The following ARHGEF26 variants were observed in gnomAD, a reference collection of about 807,000 sequenced individuals.
The protein encoded by ARHGEF26 is Rho guanine nucleotide exchange factor 26, also known as Rho guanine nucleotide exchange factor (GEF) 26.
In ARHGEF26, 59 loss-of-function variants were observed where a neutral mutation model predicts 89.4. That is an observed-to-expected ratio of 0.66 (90% CI 0.54 to 0.82). The LOEUF (loss-of-function observed/expected upper bound fraction) is 0.82, where lower values mean the gene tolerates loss of function less well. Among genes scored for constraint, ARHGEF26 ranks in the 40% least tolerant of loss-of-function variants. The probability of loss-of-function intolerance (pLI) is 0.00; values close to 1 mark genes in which losing one functional copy is unlikely to be tolerated. For missense variants in ARHGEF26, 1,234 were observed against 1,085.6 expected, an observed-to-expected ratio of 1.14 and a Z score of -1.92; for synonymous variants, 500 against 428.4, an observed-to-expected ratio of 1.17 and a Z score of -2.06.
intron 11 of ARHGEF26, among the ~76,000 whole-genome samples, chr3:154,237,438 A>T (rs191753172): frequency 6.4e-4 from 98 of 151,978 alleles, no homozygotes; most frequent in Non-Finnish European, 1.0e-3. Flanking sequence ...GCTACACGGG[A>T]GGCTGAGGCA....
chr3:154,155,474 A>G (rs1435011741), intron 6 of ARHGEF26, among the ~76,000 whole-genome samples: 1 of 152,022 alleles, frequency 6.6e-6, no homozygotes, highest in African/African-American at 2.4e-5. Context: ...TTCTGCTCAA[A>G]AAGTTAGAAG....
At chr3:154,227,319 A>G (rs900655837) in intron 11 of ARHGEF26, among the ~76,000 whole-genome samples, 3 of 138,280 alleles carry the variant, frequency 2.2e-5, no homozygotes, top group African/African-American at 8.2e-5. Flanking sequence ...TTTTTGAGAT[A>G]GAGTCTTGCT....
chr3:154,175,198 A>G (rs1045824723), intron 6 of ARHGEF26, among the ~76,000 whole-genome samples: 1 of 152,154 alleles, frequency 6.6e-6, no homozygotes, highest in East Asian at 1.9e-4. Flanking sequence ...TAATGGTTAG[A>G]TCTTTGACCT....
chr3:154,180,684 C>G (rs1342894565), intron 6 of ARHGEF26, among the ~76,000 whole-genome samples: 1 of 9,334 alleles, frequency 1.1e-4, no homozygotes, highest in Non-Finnish European at 1.7e-4. Context: ...CTCTTTTTTC[C>G]CCTCACATCC....
At chr3:154,243,755 C>G (rs1415183296) in intron 12 of ARHGEF26, among the ~76,000 whole-genome samples, 1 of 150,848 alleles carries the variant, frequency 6.6e-6, no homozygotes, top group South Asian at 2.1e-4. Context: ...CACCCCCACC[C>G]TCAATTACAG....
At position 154,256,236 on chromosome 3, in the gene ARHGEF26, G is replaced by T; in HGVS notation, c.*763G>T. The T allele has an allele frequency of 2.0e-6, 2 of 985,462 alleles. No individual in the cohort carries two copies. Among genetic ancestry groups the T allele is most frequent in the Non-Finnish European group, 2.4e-6 (2 of 830,022 alleles). 61.0% of individuals were successfully genotyped at this position (985,462 alleles called of 1,614,324 possible). A position where few individuals can be genotyped will look rare whatever the true frequency, so the allele number is the denominator to read the frequency against. On this transcript the variant is annotated 3_prime_UTR_variant, in exon 15 of 15. Transcript: ENST00000465093. ...AGAAAAACCTGAATATAGGACAGGG[G>T]TCCTACTTTTTTCCCCACCTCTGTC...
Position 154,256,841 on chromosome 3 carries a change from T to C in ARHGEF26, c.*1368T>C. ...TCAGAGTCCCTCTTAACTGTGAGTT[T>C]CTATAGAACTTTACTTTTTCCACTA... On this transcript the variant is annotated 3_prime_UTR_variant, in exon 15 of 15. Transcript: ENST00000465093. 1 of 1,529,310 alleles carries C rather than the reference T, an allele frequency of 6.5e-7. No homozygotes were observed. The highest frequency in any genetic ancestry group is 8.7e-7 in the Non-Finnish European group (1 of 1,144,578). 94.7% of individuals were successfully genotyped at this position (1,529,310 alleles called of 1,614,324 possible). A position where few individuals can be genotyped will look rare whatever the true frequency, so the allele number is the denominator to read the frequency against.
chr3:154,247,213 T>G (rs974275988), intron 12 of ARHGEF26, among the ~76,000 whole-genome samples: 9 of 152,216 alleles, frequency 5.9e-5, no homozygotes, highest in Non-Finnish European at 1.0e-4. Flanking sequence ...TCTTCAGAAA[T>G]GCAGCCTGTC....
At chr3:154,181,158 A>G (rs913328983) in intron 6 of ARHGEF26, among the ~76,000 whole-genome samples, 2 of 152,186 alleles carry the variant, frequency 1.3e-5, no homozygotes, top group Non-Finnish European at 2.9e-5. Flanking sequence ...GCAGCCCCAA[A>G]TCTTACTTAC....
In ARHGEF26 at chr3:154,213,201, T is replaced by TAGAGAG. The variant is rs60158333; in HGVS notation, c.1846-4657_1846-4652dup. 5.3e-3 allele frequency among the ~76,000 whole-genome samples: 730 copies of TAGAGAG among 136,526 alleles called. 6 individuals are homozygous for TAGAGAG. The highest frequency in any genetic ancestry group is 0.018 in the African/African-American group (652 of 36,030). The allele number at this position is 136,526 out of a possible 152,430, so 89.6% of individuals were successfully genotyped here. A position where few individuals can be genotyped will look rare whatever the true frequency, so the allele number is the denominator to read the frequency against. On this transcript the variant is annotated intron_variant, in intron 9 of 14. Transcript: ENST00000465093. ...AATTTACATTTCTTTACGAGTAACA[T>TAGAGAG]AGAGAGAGAGAGAGAGTGTGTGTGT...
At chr3:154,201,888 T>A (rs1255167575) in intron 9 of ARHGEF26, among the ~76,000 whole-genome samples, 3 of 151,904 alleles carry the variant, frequency 2.0e-5, no homozygotes, top group African/African-American at 7.2e-5. Flanking sequence ...GAGTTCATTG[T>A]AGATTCTGGA....
rs771825271 is a variant in ARHGEF26 at position 154,122,571 on chromosome 3, G to A, written c.579G>A (p.Arg193=). 2 of 1,613,568 alleles carry A rather than the reference G, an allele frequency of 1.2e-6. No individual in the cohort carries two copies. Among genetic ancestry groups the A allele is most frequent in the Non-Finnish European group, 1.7e-6 (2 of 1,179,886 alleles). The change falls in exon 2 of 15, where the codon CGG becomes CGA. Residue 193 remains arginine, a synonymous_variant. Transcript: ENST00000465093. The part of the protein sequence containing the change: ...DSPGSGSQSG[R]KAKDPERGLF... ...CTGGGTCAGGTTCGCAGTCCGGCCG[G>A]AAGGCAAAGGACCCCGAACGGGGGC...
chr3:154,171,426 A>G (rs901232224), intron 6 of ARHGEF26, among the ~76,000 whole-genome samples: 3 of 152,198 alleles, frequency 2.0e-5, no homozygotes, highest in Non-Finnish European at 2.9e-5. Flanking sequence ...TCTACACTCT[A>G]TGGGATGGAT....
intron 9 of ARHGEF26, among the ~76,000 whole-genome samples, chr3:154,198,605 T>C (rs1452344913): frequency 6.6e-6 from 1 of 152,190 alleles, no homozygotes; most frequent in Non-Finnish European, 1.5e-5. Context: ...GAGACCGTTA[T>C]TCTAAGTGAA....
Position 154,122,963 on chromosome 3 carries a change from G to A in ARHGEF26, c.971G>A (p.Gly324Asp). The part of the protein sequence containing the change: ...STSYRRAVVS[G>D]FDFDSPTSSK... ...TCTTATCGCAGGGCAGTGGTCAGTGGCTTTGATTTTGACAGTCCTACCAGC... is the reference window on the plus strand; with the variant it reads ...TCTTATCGCAGGGCAGTGGTCAGTGACTTTGATTTTGACAGTCCTACCAGC... The change falls in exon 2 of 15, where the codon GGC (glycine) becomes GAC (aspartate). Residue 324 changes from glycine to aspartate, a missense_variant. Physicochemically the swap from Gly to Asp is moderately conservative, Grantham distance 94. Coordinates refer to ENST00000465093, the MANE Select transcript of ARHGEF26 (RefSeq NM_015595.4). 6.2e-7 allele frequency: 1 copy of A among 1,613,808 alleles called. No homozygotes were observed.
chr3:154,186,886 CTTTTTTTTTTTTTTTT>C (rs201150057), intron 6 of ARHGEF26, among the ~76,000 whole-genome samples: 1,224 of 82,128 alleles, frequency 0.015, 60 homozygotes, highest in African/African-American at 0.051. Flanking sequence ...TTATTTCAGA[CTTTTTTTTTTTTTTTT>C]TTTTTTTTTT....
chr3:154,209,560 C>T (rs1221823127), intron 9 of ARHGEF26, among the ~76,000 whole-genome samples: 1 of 152,150 alleles, frequency 6.6e-6, no homozygotes, highest in Non-Finnish European at 1.5e-5. Context: ...TCTGGATTAC[C>T]AGGTAGAGAC....
chr3:154,227,124 G>A (rs893700195), intron 11 of ARHGEF26, among the ~76,000 whole-genome samples: 15 of 152,080 alleles, frequency 9.9e-5, no homozygotes, highest in Admixed American at 9.8e-4. Flanking sequence ...TAGCTGAAAT[G>A]AAATGTTAGT....
intron 9 of ARHGEF26, among the ~76,000 whole-genome samples, chr3:154,213,781 C>G (rs748329937): frequency 1.3e-5 from 2 of 151,954 alleles, no homozygotes; most frequent in Non-Finnish European, 2.9e-5. Flanking sequence ...CAAAAAAAGA[C>G]GGGAAGATAA....
Sources: allele counts gnomAD v4.1 joint callset (sites outside exome capture counted in the v4.1 genomes callset), GRCh38; gene constraint gnomAD v4.1.1; transcripts MANE v1.5; gene names NCBI Gene and HGNC (gene_info 2026-07-23, HGNC 2026-07-21).